TBC1D14: variants seen among roughly 807,000 people sequenced by gnomAD.
TBC1D14 encodes the protein TBC1 domain family member 14.
Under a neutral mutation model 79.0 loss-of-function variants are expected in TBC1D14, and 26 were observed. That is an observed-to-expected ratio of 0.33 (90% CI 0.24 to 0.46). TBC1D14 has a LOEUF of 0.46. TBC1D14 is among the 20% of genes least tolerant of loss of function. The pLI is 1.00. For missense variants in TBC1D14, 769 were observed against 887.6 expected, an observed-to-expected ratio of 0.87 and a Z score of 1.70; for synonymous variants, 394 against 349.9, an observed-to-expected ratio of 1.13 and a Z score of -1.40.
chr4:6,959,650 C>A (rs1361846553), intron 2 of TBC1D14, among the ~76,000 whole-genome samples: 1 of 152,218 alleles, frequency 6.6e-6, no homozygotes, highest in African/African-American at 2.4e-5. Context: ...TCTCAGGATC[C>A]ATTTTTGAGG....
chr4:6,996,535 TAA>T (rs11374636), intron 5 of TBC1D14, 128 bp downstream of exon 5: 27,577 of 512,714 alleles, frequency 0.054, 37 homozygotes, highest in South Asian at 0.069. Flanking sequence ...AGTCTTCCAG[TAA>T]AAAAAAAAAA....
At chr4:7,006,869 C>G in intron 9 of TBC1D14, 143 bp downstream of exon 9, 2 of 611,004 alleles carry the variant, frequency 3.3e-6, no homozygotes, top group Non-Finnish European at 5.7e-6. Context: ...CTATTAAATA[C>G]ATTTAGACTT....
chr4:6,955,129 G>A (rs1714505409), intron 2 of TBC1D14, among the ~76,000 whole-genome samples: 1 of 152,190 alleles, frequency 6.6e-6, no homozygotes, highest in African/African-American at 2.4e-5. Flanking sequence ...AGGCTGCATT[G>A]TTTTTCATGT....
chr4:7,009,881 G>A lies in TBC1D14; in HGVS notation c.1451G>A (p.Gly484Asp), dbSNP rs767317889. ...FPNLCIFQQG[G>D]PYHDMLHSIL... ...TTGCTGTGTTGATCCTTTTAGGGTG[G>A]TCCATATCATGACATGTTGCACAGT... Residue 484 changes from glycine to aspartate, a missense_variant, in exon 10 of 14, where the codon GGT (glycine) becomes GAT (aspartate). Gly to Asp is a moderately conservative substitution (Grantham distance 94). Coordinates refer to ENST00000409757, the MANE Select transcript of TBC1D14 (RefSeq NM_020773.3). 2 of 1,614,154 alleles carry A rather than the reference G, an allele frequency of 1.2e-6. No homozygotes were observed. The highest frequency in any genetic ancestry group is 2.7e-5 in the African/African-American group (2 of 75,028).
Position 7,001,260 on chromosome 4 carries a change from C to T in TBC1D14, c.1270+9C>T. The T allele has an allele frequency of 6.2e-7, 1 of 1,609,024 alleles. No homozygotes were observed. The highest frequency in any genetic ancestry group is 8.5e-7 in the Non-Finnish European group (1 of 1,175,926). Reference sequence around the variant, plus strand: ...GTTAAATATCACCCACGGTGAGTGGCCTGCATGATCCTGGGGAGTCCACCT... The same window carrying T: ...GTTAAATATCACCCACGGTGAGTGGTCTGCATGATCCTGGGGAGTCCACCT... On this transcript the variant is annotated intron_variant, in intron 7 of 13. Transcript: ENST00000409757.
Position 7,009,300 on chromosome 4 carries a change from T to C in TBC1D14, c.1447-577T>C, listed in dbSNP as rs114476103. On this transcript the variant is annotated intron_variant, in intron 9 of 13. Coordinates refer to ENST00000409757, the MANE Select transcript of TBC1D14 (RefSeq NM_020773.3). ...GGGGAAATAATTCCAACAATTGACTTTTTGGAAGCAGTTATAAGAGCAAGT... is the reference window on the plus strand; with the variant it reads ...GGGGAAATAATTCCAACAATTGACTCTTTGGAAGCAGTTATAAGAGCAAGT... Among the ~76,000 whole-genome samples, 698 of 152,354 alleles carry C rather than the reference T, an allele frequency of 4.6e-3. 6 individuals are homozygous for C. Among genetic ancestry groups the C allele is most frequent in the African/African-American group, 0.015 (636 of 41,572 alleles).
chr4:7,000,976 A>G (rs908870588), intron 6 of TBC1D14, among the ~76,000 whole-genome samples, 169 bp from the exon 7 acceptor site: 1 of 151,494 alleles, frequency 6.6e-6, no homozygotes, highest in African/African-American at 2.4e-5. Flanking sequence ...GTGGAAGGGG[A>G]TTGTTGATTT....
intron 2 of TBC1D14, among the ~76,000 whole-genome samples, chr4:6,932,252 C>T (rs762853776): frequency 1.3e-5 from 2 of 151,886 alleles, no homozygotes; most frequent in African/African-American, 2.4e-5. Context: ...CCCAGCTACT[C>T]GAGAGGCTGA....
At chr4:7,006,804 C>A in intron 9 of TBC1D14, 78 bp downstream of exon 9, 3 of 1,419,860 alleles carry the variant, frequency 2.1e-6, no homozygotes, top group South Asian at 1.2e-5. Flanking sequence ...TATTTGTTGT[C>A]AAGTTTGAAA....
chr4:6,929,702 G>T (rs1435324951), intron 2 of TBC1D14, among the ~76,000 whole-genome samples: 1 of 152,192 alleles, frequency 6.6e-6, no homozygotes, highest in Non-Finnish European at 1.5e-5. Flanking sequence ...CTCAAAGCCT[G>T]TCACAGCCAG....
intron 5 of TBC1D14, chr4:6,997,258 A>G (rs1719153839): frequency 6.6e-6 from 1 of 152,268 alleles, no homozygotes; most frequent in Non-Finnish European, 1.5e-5. Context: ...AGGAGAATGT[A>G]GAGTCGTCAA....
intron 1 of TBC1D14, among the ~76,000 whole-genome samples, chr4:6,917,289 A>C (rs868837335): frequency 2.0e-5 from 3 of 152,242 alleles, no homozygotes; most frequent in Non-Finnish European, 2.9e-5. Context: ...GCATTTAACC[A>C]GAGAATAGTT....
chr4:7,028,212 G>A (rs11723523), intron 13 of TBC1D14, among the ~76,000 whole-genome samples: 45,161 of 151,660 alleles, frequency 0.3, 6,828 homozygotes, highest in East Asian at 0.35. Flanking sequence ...CAGTCCCTGC[G>A]CATCCACATA....
intron 9 of TBC1D14, among the ~76,000 whole-genome samples, chr4:7,008,983 AT>A (rs1560343205): frequency 6.6e-6 from 1 of 151,824 alleles, no homozygotes; most frequent in African/African-American, 2.4e-5. Flanking sequence ...TCTCATTGCT[AT>A]TTTTCCTTTT....
chr4:6,924,158 AC>A (rs1043835203), intron 2 of TBC1D14, 47 bp downstream of exon 2: 1 of 1,559,322 alleles, frequency 6.4e-7, no homozygotes, highest in African/African-American at 1.4e-5. Context: ...TTGAGTCCAG[AC>A]CAGTCTCCTT....
chr4:6,962,312 C>T (rs1046579133), intron 2 of TBC1D14, among the ~76,000 whole-genome samples: 6 of 152,070 alleles, frequency 3.9e-5, no homozygotes, highest in Non-Finnish European at 8.8e-5. Context: ...CAGGGAACCC[C>T]GCTGCGACGG....
intron 2 of TBC1D14, among the ~76,000 whole-genome samples, chr4:6,925,405 C>T (rs1212916034): frequency 1.3e-5 from 2 of 152,196 alleles, no homozygotes; most frequent in African/African-American, 4.8e-5. Flanking sequence ...CTAGCAGAAC[C>T]CACGTCAGAC....
intron 2 of TBC1D14, among the ~76,000 whole-genome samples, chr4:6,929,991 A>T (rs535519544): frequency 6.6e-6 from 1 of 152,212 alleles, no homozygotes; most frequent in Non-Finnish European, 1.5e-5. Flanking sequence ...AAAAAAGACA[A>T]CACCCTGTCT....
At chr4:6,984,754 C>G (rs545266008) in intron 3 of TBC1D14, among the ~76,000 whole-genome samples, 3 of 152,172 alleles carry the variant, frequency 2.0e-5, no homozygotes, top group African/African-American at 7.2e-5. Context: ...AGACTGAGTT[C>G]TTTGAGCACC....
Sources: allele counts gnomAD v4.1 joint callset (sites outside exome capture counted in the v4.1 genomes callset), GRCh38; gene constraint gnomAD v4.1.1; transcripts MANE v1.5; gene names NCBI Gene and HGNC (gene_info 2026-07-23, HGNC 2026-07-21).